SLC39A11: variants seen among roughly 807,000 people sequenced by gnomAD.
SLC39A11 encodes zinc transporter ZIP11.
SLC39A11 carries 33 observed loss-of-function variants against 36.1 expected under a neutral mutation model. The ratio of observed to expected loss-of-function variants is 0.91; its 90% CI spans 0.69 to 1.22. The LOEUF (loss-of-function observed/expected upper bound fraction) is 1.22, where lower values mean the gene tolerates loss of function less well. Among genes scored for constraint, SLC39A11 ranks in the 50% most tolerant of loss-of-function variants. The pLI, the probability that SLC39A11 is intolerant of heterozygous loss-of-function variation, is 0.00. For missense variants in SLC39A11, 432 were observed against 430.3 expected (o/e 1.00, Z -0.03); for synonymous variants, 166 against 170.3 (o/e 0.97, Z 0.20).
At chr17:72,667,353 G>T (rs2070801288) in intron 7 of SLC39A11, among the ~76,000 whole-genome samples, 1 of 152,192 alleles carries the variant, frequency 6.6e-6, no homozygotes, top group African/African-American at 2.4e-5. Flanking sequence ...GGTGCAGGGG[G>T]CGCTTTAGAA....
chr17:73,086,785 A>AC (rs1236715685), intron 2 of SLC39A11, among the ~76,000 whole-genome samples: 2 of 152,134 alleles, frequency 1.3e-5, no homozygotes, highest in Non-Finnish European at 2.9e-5. Flanking sequence ...ATGCCACTGA[A>AC]CCCCAGCCTG....
intron 2 of SLC39A11, 93 bp from the exon 3 acceptor site, chr17:73,084,939 G>A (rs9891809): frequency 0.79 from 1,030,261 of 1,303,406 alleles, 408,838 homozygotes; most frequent in East Asian, 0.89. Flanking sequence ...AAAGAGCCAC[G>A]CAAATAAAGA....
intron 7 of SLC39A11, among the ~76,000 whole-genome samples, chr17:72,720,595 A>G (rs541000935): frequency 2.6e-5 from 4 of 152,260 alleles, no homozygotes; most frequent in African/African-American, 9.6e-5. Flanking sequence ...AGGATGTGTC[A>G]TGGGTGTGCC....
chr17:72,662,255 A>G (rs888121374), intron 7 of SLC39A11, among the ~76,000 whole-genome samples: 4 of 151,822 alleles, frequency 2.6e-5, no homozygotes, highest in Non-Finnish European at 4.4e-5. Flanking sequence ...GGCCAACAGA[A>G]TGAGGCCTTT....
intron 5 of SLC39A11, among the ~76,000 whole-genome samples, chr17:72,918,324 G>A (rs986105034): frequency 1.3e-5 from 2 of 152,202 alleles, no homozygotes; most frequent in South Asian, 2.1e-4. Context: ...CAGGAGAATC[G>A]CTTGAACCCG....
intron 4 of SLC39A11, among the ~76,000 whole-genome samples, chr17:72,949,043 C>T (rs2085644628): frequency 6.7e-6 from 1 of 149,574 alleles, no homozygotes; most frequent in African/African-American, 2.5e-5. Flanking sequence ...GGAAGGGAGG[C>T]AGAATCATCT....
chr17:72,909,750 C>T (rs867918712), intron 5 of SLC39A11, among the ~76,000 whole-genome samples: 2 of 144,648 alleles, frequency 1.4e-5, no homozygotes, highest in African/African-American at 2.6e-5. Context: ...TTTCTTTTTT[C>T]TTTTTTTTTT....
At chr17:72,897,783 G>C (rs757874191) in intron 5 of SLC39A11, among the ~76,000 whole-genome samples, 1 of 152,212 alleles carries the variant, frequency 6.6e-6, no homozygotes, top group Non-Finnish European at 1.5e-5. Flanking sequence ...AAAAACAGGC[G>C]GCAAGGGAAT....
At chr17:72,724,231 A>G (rs2143653354) in intron 7 of SLC39A11, among the ~76,000 whole-genome samples, 1 of 152,248 alleles carries the variant, frequency 6.6e-6, no homozygotes, top group South Asian at 2.1e-4. Flanking sequence ...CCAGGTTTGG[A>G]CAAGGACTCT....
chr17:72,702,995 T>A (rs1221026183), intron 7 of SLC39A11, among the ~76,000 whole-genome samples: 1 of 148,526 alleles, frequency 6.7e-6, no homozygotes, highest in Non-Finnish European at 1.5e-5. Context: ...TCTGTCTTTG[T>A]GGGGTTGGGA....
At chr17:72,937,349 G>A (rs533972062) in intron 5 of SLC39A11, among the ~76,000 whole-genome samples, 48 of 152,274 alleles carry the variant, frequency 3.2e-4, no homozygotes, top group African/African-American at 9.6e-4. Context: ...CAGCTACTCC[G>A]GAGACTGAGG....
At chr17:72,915,160 C>T (rs1419590579) in intron 5 of SLC39A11, among the ~76,000 whole-genome samples, 1 of 152,042 alleles carries the variant, frequency 6.6e-6, no homozygotes, top group Non-Finnish European at 1.5e-5. Flanking sequence ...ACTGCCTGTC[C>T]CAGGGCTAGG....
intron 5 of SLC39A11, among the ~76,000 whole-genome samples, chr17:72,936,507 G>A (rs1216817473): frequency 6.6e-6 from 1 of 150,884 alleles, no homozygotes; most frequent in Non-Finnish European, 1.5e-5. Context: ...AATTTGGAAG[G>A]CAAGTCTTGG....
chr17:73,044,659 A>G (rs2059213661), intron 3 of SLC39A11, among the ~76,000 whole-genome samples: 2 of 152,132 alleles, frequency 1.3e-5, no homozygotes, highest in South Asian at 4.2e-4. Flanking sequence ...GGATCACTTG[A>G]GGCCAGGAGT....
At chr17:72,663,470 T>A (rs1013126372) in intron 7 of SLC39A11, among the ~76,000 whole-genome samples, 1 of 152,216 alleles carries the variant, frequency 6.6e-6, no homozygotes, top group Non-Finnish European at 1.5e-5. Context: ...ACCAGCACCC[T>A]GAGACCCCCT....
intron 5 of SLC39A11, among the ~76,000 whole-genome samples, chr17:72,910,662 C>T (rs1315540885): frequency 7.0e-6 from 1 of 142,412 alleles, no homozygotes; most frequent in East Asian, 2.1e-4. Context: ...CACAGTGACT[C>T]ATGGCTGTAA....
At chr17:72,821,289 G>A (rs919944092) in intron 6 of SLC39A11, among the ~76,000 whole-genome samples, 7 of 150,404 alleles carry the variant, frequency 4.7e-5, no homozygotes, top group African/African-American at 1.7e-4. Context: ...GATCACCTGA[G>A]GTCGGAAATT....
intron 5 of SLC39A11, among the ~76,000 whole-genome samples, chr17:72,943,684 C>T (rs945939703): frequency 6.6e-6 from 1 of 152,156 alleles, no homozygotes; most frequent in African/African-American, 2.4e-5. Flanking sequence ...GAAAATAATG[C>T]CTTCTCCTGG....
intron 4 of SLC39A11, among the ~76,000 whole-genome samples, chr17:72,988,642 CT>C (rs1300273152): frequency 1.3e-5 from 2 of 152,134 alleles, no homozygotes; most frequent in African/African-American, 2.4e-5. Flanking sequence ...CTCAGTGCCC[CT>C]AGCCCTTGGC....
Sources: gnomAD v4.1 joint callset for allele counts (sites outside exome capture counted in the v4.1 genomes callset) on GRCh38, gnomAD v4.1.1 for gene constraint, MANE v1.5 for transcripts, NCBI Gene and HGNC (gene_info 2026-07-23, HGNC 2026-07-21) for gene names.